The following ANKRD63 variants were observed in gnomAD, a reference collection of about 807,000 sequenced individuals.
The protein encoded by ANKRD63 is ankyrin repeat domain-containing protein 63.
ANKRD63 carries 18 observed loss-of-function variants against 21.2 expected under a neutral mutation model. The ratio of observed to expected loss-of-function variants is 0.85; its 90% CI spans 0.59 to 1.26. The LOEUF (loss-of-function observed/expected upper bound fraction) is 1.26. Among genes scored for constraint, ANKRD63 ranks in the 50% most tolerant of loss-of-function variants. The pLI, the probability that ANKRD63 is intolerant of heterozygous loss-of-function variation, is 0.00. For missense variants in ANKRD63, 523 were observed against 570.9 expected (o/e 0.92, Z 0.85); for synonymous variants, 322 against 273.3 (o/e 1.18, Z -1.76).
rs1039972837 is a variant in ANKRD63 at position 40,280,571 on chromosome 15, A to G, written c.*873T>C. On this transcript the variant is annotated 3_prime_UTR_variant, in exon 1 of 1. Transcript: ENST00000434396. ...GGCGGGGAAGCGCTCAGTCCTTTCC[A>G]TTTCAGGCCTCTGTGACCCAGCGGA... Among the ~76,000 whole-genome samples, 1 of 152,240 alleles carries G rather than the reference A, an allele frequency of 6.6e-6. No homozygotes were observed. The highest frequency in any genetic ancestry group is 1.5e-5 in the Non-Finnish European group (1 of 68,046).
rs1428209942 is a variant in ANKRD63, at chr15:40,279,096, G to C, written c.*2348C>G. On this transcript the variant is annotated 3_prime_UTR_variant, in exon 1 of 1. Coordinates refer to ENST00000434396, the MANE Select transcript of ANKRD63 (RefSeq NM_001190479.3). ...GTCCAGTGGTCCCCACCCTACCCCAGACCCTCTCTCTCAGGCTTTTCAGGC... is the reference window on the plus strand; with the variant it reads ...GTCCAGTGGTCCCCACCCTACCCCACACCCTCTCTCTCAGGCTTTTCAGGC... Among the ~76,000 whole-genome samples the C allele has an allele frequency of 6.6e-6, 1 of 152,360 alleles. No homozygotes were observed. The highest frequency in any genetic ancestry group is 1.9e-4 in the East Asian group (1 of 5,196).
chr15:40,282,203 G>A lies in ANKRD63; in HGVS notation c.384C>T (p.Gly128=), dbSNP rs1398308451. The change falls in exon 1 of 1, where the codon GGC becomes GGT. Residue 128 remains glycine, a synonymous_variant. Transcript: ENST00000434396. ...CCAGGAACTCGAGCACCGCCCCGTG[G>A]CCGCAGGCCGCCGCCCACATCACCG... ...NSPVMWAAAC[G]HGAVLEFLVR... 6.6e-7 allele frequency: 1 copy of A among 1,504,324 alleles called. No individual in the cohort carries two copies. The highest frequency in any genetic ancestry group is 1.2e-5 in the South Asian group (1 of 80,790). The allele number at this position is 1,504,324 out of a possible 1,614,324, so 93.2% of individuals were successfully genotyped here.
In ANKRD63 at chr15:40,282,003, G is replaced by A; in HGVS notation, c.584C>T (p.Pro195Leu). 3.3e-6 allele frequency: 4 copies of A among 1,217,266 alleles called. No individual in the cohort carries two copies. The highest frequency in any genetic ancestry group is 4.1e-6 in the Non-Finnish European group (4 of 980,280). The allele number at this position is 1,217,266 out of a possible 1,614,324, so 75.4% of individuals were successfully genotyped here. A position where few individuals can be genotyped will look rare whatever the true frequency, so the allele number is the denominator to read the frequency against. Residue 195 changes from proline to leucine, a missense_variant, in exon 1 of 1, where the codon CCT becomes CTT. Coordinates refer to ENST00000434396, the MANE Select transcript of ANKRD63 (RefSeq NM_001190479.3). ...GCTGGCCGCGGGGGCCGGGCGGCCA[G>A]GGGGACTATCGGAGTTGGAGCCCCG... Reference protein sequence around the residue: ...AARGSNSDSPPGRPAPAASPE... With the variant: ...AARGSNSDSPLGRPAPAASPE...
Position 40,281,822 on chromosome 15 carries a change from C to T in ANKRD63, c.765G>A (p.Arg255=). The T allele has an allele frequency of 6.5e-7, 1 of 1,534,752 alleles. No homozygotes were observed. The highest frequency in any genetic ancestry group is 8.7e-7 in the Non-Finnish European group (1 of 1,146,340). Residue 255 remains arginine (R), a synonymous_variant, in exon 1 of 1, where the codon CGG becomes CGA. Transcript: ENST00000434396. ...CCGCACCTAGAGCCAGGCTCATGCT[C>T]CGACCCAGCTCGGGCCGTTCGCTGC... is the stretch of plus-strand genomic sequence containing the variant. ...AQGSERPELG[R]SMSLALGAVT... is the part of the protein sequence containing the mutation.
rs1390604488 is a variant in ANKRD63 at position 40,280,538 on chromosome 15, G to A, written c.*906C>T. On this transcript the variant is annotated 3_prime_UTR_variant, in exon 1 of 1. Coordinates refer to ENST00000434396, the MANE Select transcript of ANKRD63 (RefSeq NM_001190479.3). ...CACGTGCGGGACGGGGGAGCTGGGA[G>A]GCGTGGAGGCGGGGAAGCGCTCAGT... Among the ~76,000 whole-genome samples, 5 of 152,292 alleles carry A rather than the reference G, an allele frequency of 3.3e-5. No individual in the cohort carries two copies. The highest frequency in any genetic ancestry group is 5.9e-5 in the Non-Finnish European group (4 of 68,052).
rs1411551024 is a variant in ANKRD63 at position 40,278,832 on chromosome 15, C to G, written c.*2612G>C. On this transcript the variant is annotated 3_prime_UTR_variant, in exon 1 of 1. Coordinates refer to ENST00000434396, the MANE Select transcript of ANKRD63 (RefSeq NM_001190479.3). Reference sequence around the variant, plus strand: ...CTCTCGGCAGCTCCACAGAGAAGAGCCCTCATGGTTGTTTATCCAGTCAAG... The same window carrying G: ...CTCTCGGCAGCTCCACAGAGAAGAGGCCTCATGGTTGTTTATCCAGTCAAG... Among the ~76,000 whole-genome samples, 1 of 152,124 alleles carries G rather than the reference C, an allele frequency of 6.6e-6. No individual in the cohort carries two copies. The highest frequency in any genetic ancestry group is 1.9e-4 in the East Asian group (1 of 5,204).
rs556302747 is a variant in ANKRD63 at position 40,281,772 on chromosome 15, A to G, written c.815T>C (p.Leu272Pro). The G allele has an allele frequency of 6.6e-5, 101 of 1,535,060 alleles. No individual in the cohort carries two copies. In the African/African-American group the frequency reaches 1.2e-3, roughly 19 times the overall value. The change falls in exon 1 of 1, where the codon CTG (leucine) becomes CCG (proline). Residue 272 changes from leucine (L) to proline (P), a missense_variant. This residue lies in a region of ANKRD63 where 308 missense variants were observed against 290.4 expected (regional missense o/e 1.06). Coordinates refer to ENST00000434396, the MANE Select transcript of ANKRD63 (RefSeq NM_001190479.3). ...TAGGGCCATCAGGGCCCCAGCCCGC[A>G]GGCGGGCAGCCTCCTCCTCGGTTAC... ...GAVTEEEAAR[L>P]RAGALMALPN...
chr15:40,281,074 C>T lies in ANKRD63; in HGVS notation c.*370G>A, dbSNP rs150196864. Among the ~76,000 whole-genome samples the T allele has an allele frequency of 8.4e-4, 128 of 152,290 alleles. No individual in the cohort carries two copies. Among genetic ancestry groups the T allele is most frequent in the African/African-American group, 3.0e-3 (124 of 41,568 alleles). On this transcript the variant is annotated 3_prime_UTR_variant, in exon 1 of 1. Transcript: ENST00000434396. Reference sequence around the variant, plus strand: ...TCTCCAAGGTGGACCCTTCTATTTACCTGGCTGCCCAGTTGTTGGGAAACC... The same window carrying T: ...TCTCCAAGGTGGACCCTTCTATTTATCTGGCTGCCCAGTTGTTGGGAAACC...
chr15:40,281,440 C>A lies in ANKRD63; in HGVS notation c.*4G>T, dbSNP rs572148740. The A allele has an allele frequency of 5.6e-5, 78 of 1,388,212 alleles. No homozygotes were observed. In the Middle Eastern group the frequency reaches 3.4e-3, roughly 61 times the overall value. 86.0% of individuals were successfully genotyped at this position (1,388,212 alleles called of 1,614,324 possible). A position where few individuals can be genotyped will look rare whatever the true frequency, so the allele number is the denominator to read the frequency against. On this transcript the variant is annotated 3_prime_UTR_variant, in exon 1 of 1. Coordinates refer to ENST00000434396, the MANE Select transcript of ANKRD63 (RefSeq NM_001190479.3). ...GGGAAGCAGGCCTCGGGCCTTGGCG[C>A]CGTTTACCGCTGAGCACGCAGCACC...
rs566918263 is a variant in ANKRD63 at position 40,279,114 on chromosome 15, T to C, written c.*2330A>G. On this transcript the variant is annotated 3_prime_UTR_variant, in exon 1 of 1. Transcript: ENST00000434396. The stretch of plus-strand genomic sequence containing the variant: ...TACCCCAGACCCTCTCTCTCAGGCT[T>C]TTCAGGCACTTGGTATTGTGCACCC... Among the ~76,000 whole-genome samples, 1 of 152,256 alleles carries C rather than the reference T, an allele frequency of 6.6e-6. No individual in the cohort carries two copies. Among genetic ancestry groups the C allele is most frequent in the South Asian group, 2.1e-4 (1 of 4,814 alleles).
chr15:40,281,396 A>G lies in ANKRD63; in HGVS notation c.*48T>C, dbSNP rs1372597145. On this transcript the variant is annotated 3_prime_UTR_variant, in exon 1 of 1. Transcript: ENST00000434396. ...ACCTAGAAGAGAGAAATACCAGTGG[A>G]GTAGAAACGGGAGGGTAGGGGAAGC... 1 of 1,331,258 alleles carries G rather than the reference A, an allele frequency of 7.5e-7. No homozygotes were observed. The highest frequency in any genetic ancestry group is 3.6e-5 in the Admixed American group (1 of 27,796). 82.5% of individuals were successfully genotyped at this position (1,331,258 alleles called of 1,614,324 possible).
At position 40,282,176 on chromosome 15, in the gene ANKRD63, C is replaced by T. The variant is rs556412604; in HGVS notation, c.411G>A (p.Val137=). 5.0e-4 allele frequency: 748 copies of T among 1,494,738 alleles called. 1 individual carries two copies. The highest frequency in any genetic ancestry group is 3.4e-3 in the Middle Eastern group (17 of 4,970). 92.6% of individuals were successfully genotyped at this position (1,494,738 alleles called of 1,614,324 possible). The change falls in exon 1 of 1, where the codon GTG becomes GTA. Residue 137 remains valine (V), a synonymous_variant. Coordinates refer to ENST00000434396, the MANE Select transcript of ANKRD63 (RefSeq NM_001190479.3). ...GCAGGCCTAGGCGGCGGAAGGACCGCACCAGGAACTCGAGCACCGCCCCGT... is the reference window on the plus strand; with the variant it reads ...GCAGGCCTAGGCGGCGGAAGGACCGTACCAGGAACTCGAGCACCGCCCCGT... ...CGHGAVLEFL[V]RSFRRLGLRL... is the part of the protein sequence containing the mutation.
rs995209044 is a variant in ANKRD63 at position 40,281,249 on chromosome 15, A to C, written c.*195T>G. 6.6e-6 allele frequency among the ~76,000 whole-genome samples: 1 copy of C among 152,234 alleles called. No homozygotes were observed. Among genetic ancestry groups the C allele is most frequent in the Non-Finnish European group, 1.5e-5 (1 of 68,040 alleles). ...CTCTAGACCTAGGCAGGGAATACCG[A>C]GGAGCACAAAAAAGAAGATGGAGGT... On this transcript the variant is annotated 3_prime_UTR_variant, in exon 1 of 1. Transcript: ENST00000434396.
Position 40,278,613 on chromosome 15 carries a change from C to A in ANKRD63, c.*2831G>T, listed in dbSNP as rs1428085379. Among the ~76,000 whole-genome samples, 2 of 152,118 alleles carry A rather than the reference C, an allele frequency of 1.3e-5. No homozygotes were observed. Among genetic ancestry groups the A allele is most frequent in the Non-Finnish European group, 2.9e-5 (2 of 68,022 alleles). Reference sequence around the variant, plus strand: ...TGAAGGTAGAGATTGCTAGAGAGGACCCAGCCTCAACACCCTGGGGCTGAC... The same window carrying A: ...TGAAGGTAGAGATTGCTAGAGAGGAACCAGCCTCAACACCCTGGGGCTGAC... On this transcript the variant is annotated 3_prime_UTR_variant, in exon 1 of 1. Coordinates refer to ENST00000434396, the MANE Select transcript of ANKRD63 (RefSeq NM_001190479.3).
Position 40,281,309 on chromosome 15 carries a change from G to C in ANKRD63, c.*135C>G. ...CTGGTGGAGGGCTGGTGGAGGTCTC[G>C]CCTTGGCAGGGAGGCAGGTTCCAAA... On this transcript the variant is annotated 3_prime_UTR_variant, in exon 1 of 1. Coordinates refer to ENST00000434396, the MANE Select transcript of ANKRD63 (RefSeq NM_001190479.3). 1.5e-6 allele frequency: 1 copy of C among 659,040 alleles called. No homozygotes were observed. Among genetic ancestry groups the C allele is most frequent in the South Asian group, 3.4e-5 (1 of 29,770 alleles). The allele number at this position is 659,040 out of a possible 1,614,324, so 40.8% of individuals were successfully genotyped here.
In ANKRD63 at chr15:40,281,229, G is replaced by C. The variant is rs77350758; in HGVS notation, c.*215C>G. On this transcript the variant is annotated 3_prime_UTR_variant, in exon 1 of 1. Transcript: ENST00000434396. ...CGGAACCAGTCAATCGACACCTCTA[G>C]ACCTAGGCAGGGAATACCGAGGAGC... Among the ~76,000 whole-genome samples the C allele has an allele frequency of 0.022, 3,426 of 152,292 alleles. 118 individuals carry two copies. Among genetic ancestry groups the C allele is most frequent in the African/African-American group, 0.078 (3,261 of 41,552 alleles).
chr15:40,282,141 C>A lies in ANKRD63; in HGVS notation c.446G>T (p.Arg149Leu). 1 of 1,468,578 alleles carries A rather than the reference C, an allele frequency of 6.8e-7. No homozygotes were observed. The highest frequency in any genetic ancestry group is 1.3e-5 in the South Asian group (1 of 76,138). 91.0% of individuals were successfully genotyped at this position (1,468,578 alleles called of 1,614,324 possible). The change falls in exon 1 of 1, where the codon CGC (arginine) becomes CTC (leucine). Residue 149 changes from arginine to leucine, a missense_variant. Physicochemically the swap from Arg to Leu is moderately radical, Grantham distance 102. Around this residue, in one of 2 missense-constraint regions of ANKRD63, gnomAD observed 215 missense variants for 280.4 expected, o/e 0.77. Coordinates refer to ENST00000434396, the MANE Select transcript of ANKRD63 (RefSeq NM_001190479.3). ...CGCGGTGAGCCCCGCACGGTTGGTG[C>A]GGTCGAGGCGCAGGCCTAGGCGGCG... ...SFRRLGLRLD[R>L]TNRAGLTALQ... is the part of the protein sequence containing the mutation.
chr15:40,282,596 C>A lies in ANKRD63; in HGVS notation c.-10G>T. On this transcript the variant is annotated 5_prime_UTR_variant, in exon 1 of 1. Coordinates refer to ENST00000434396, the MANE Select transcript of ANKRD63 (RefSeq NM_001190479.3). The stretch of plus-strand genomic sequence containing the variant: ...CCTTGGGTTTGAGCATGGCCCCGGC[C>A]GCCGCGCCCGGGCAGCCTGGCAGTT... The A allele has an allele frequency of 7.3e-7, 1 of 1,376,854 alleles. No individual in the cohort carries two copies. The highest frequency in any genetic ancestry group is 1.6e-5 in the South Asian group (1 of 60,666). The allele number at this position is 1,376,854 out of a possible 1,614,324, so 85.3% of individuals were successfully genotyped here. A position where few individuals can be genotyped will look rare whatever the true frequency, so the allele number is the denominator to read the frequency against.
At position 40,280,692 on chromosome 15, in the gene ANKRD63, G is replaced by A. The variant is rs1043623787; in HGVS notation, c.*752C>T. ...GAGCGGGCTGGCTCTGGAGCCCGGA[G>A]TTGGCCTGGGTAGGGGTTGTGTGGA... On this transcript the variant is annotated 3_prime_UTR_variant, in exon 1 of 1. Transcript: ENST00000434396. 6.6e-6 allele frequency among the ~76,000 whole-genome samples: 1 copy of A among 152,258 alleles called. No homozygotes were observed. Among genetic ancestry groups the A allele is most frequent in the African/African-American group, 2.4e-5 (1 of 41,468 alleles).
Sources: allele counts gnomAD v4.1 joint callset (sites outside exome capture counted in the v4.1 genomes callset), GRCh38; gene constraint gnomAD v4.1.1; regional missense constraint gnomAD v4.1.1; transcripts MANE v1.5; gene names NCBI Gene and HGNC (gene_info 2026-07-23, HGNC 2026-07-21).